Variants in PPARGC1A observed in about 807,000 individuals in gnomAD.
PPARGC1A encodes the protein peroxisome proliferator-activated receptor gamma coactivator 1-alpha.
Under a neutral mutation model 88.7 loss-of-function variants are expected in PPARGC1A, and 25 were observed. That is an observed-to-expected ratio of 0.28 (90% CI 0.21 to 0.39). PPARGC1A has a LOEUF of 0.39. PPARGC1A is among the 10% of genes least tolerant of loss of function. The probability of loss-of-function intolerance (pLI) is 1.00; values close to 1 mark genes in which losing one functional copy is unlikely to be tolerated. For synonymous variants in PPARGC1A, 363 were observed against 355.6 expected (o/e 1.02, Z -0.24); for missense variants, 880 against 968.7 (o/e 0.91, Z 1.22).
At chr4:24,051,906 G>C in the PPARGC1A span, among the ~76,000 whole-genome samples, 1 of 148,314 alleles carries the variant, frequency 6.7e-6, no homozygotes, top group Admixed American at 6.8e-5. Flanking sequence ...GTGTCAACTT[G>C]GGACAGTTAT....
the PPARGC1A span, among the ~76,000 whole-genome samples, chr4:24,104,231 G>C: frequency 6.6e-6 from 1 of 152,188 alleles, no homozygotes; most frequent in Non-Finnish European, 1.5e-5. Flanking sequence ...TGGAGGCCAG[G>C]CCCGGGTGGC....
At chr4:24,068,579 C>G in the PPARGC1A span, among the ~76,000 whole-genome samples, 1 of 152,132 alleles carries the variant, frequency 6.6e-6, no homozygotes, top group African/African-American at 2.4e-5. Context: ...CAGCCCACAC[C>G]ACATTCAGGG....
the PPARGC1A span, among the ~76,000 whole-genome samples, chr4:23,985,383 T>C: frequency 6.6e-6 from 1 of 152,010 alleles, no homozygotes; most frequent in African/African-American, 2.4e-5. Context: ...GGCTGGCTCC[T>C]GCGGACCAGC....
At chr4:23,900,437 C>T (rs1719199076), upstream of PPARGC1A, among the ~76,000 whole-genome samples, 1 of 152,136 alleles carries the variant, frequency 6.6e-6, no homozygotes. Context: ...TCAAGCACTT[C>T]ATCTACAAAA....
chr4:23,842,832 G>T (rs1331032692), intron 2 of PPARGC1A, among the ~76,000 whole-genome samples: 3 of 152,034 alleles, frequency 2.0e-5, no homozygotes, highest in Non-Finnish European at 4.4e-5. Flanking sequence ...TTGCTGTTTT[G>T]TGGCTGTTGA....
At chr4:24,103,399 A>G in the PPARGC1A span, among the ~76,000 whole-genome samples, 8,968 of 151,142 alleles carry the variant, frequency 0.059, 403 homozygotes, top group African/African-American at 0.13. Flanking sequence ...GATCCACCCA[A>G]AACGAATGGA....
chr4:24,110,247 AT>A, the PPARGC1A span, among the ~76,000 whole-genome samples: 1 of 152,186 alleles, frequency 6.6e-6, no homozygotes, highest in Admixed American at 6.5e-5. Flanking sequence ...GTGTATGGAG[AT>A]AACCCAAATG....
the PPARGC1A span, among the ~76,000 whole-genome samples, chr4:24,387,637 T>C: frequency 1.3e-5 from 2 of 151,780 alleles, no homozygotes; most frequent in Admixed American, 6.6e-5. Flanking sequence ...CACAGGAGGC[T>C]GAGGCAGGAG....
chr4:24,042,906 T>TA, the PPARGC1A span, among the ~76,000 whole-genome samples: 8 of 152,162 alleles, frequency 5.3e-5, no homozygotes, highest in South Asian at 2.1e-4. Flanking sequence ...CATCTCTCTT[T>TA]ATTATCTGAC....
At chr4:23,951,038 G>C in the PPARGC1A span, among the ~76,000 whole-genome samples, 14 of 152,186 alleles carry the variant, frequency 9.2e-5, no homozygotes, top group African/African-American at 3.4e-4. Context: ...CAATTGTTCA[G>C]TTCAACAAAT....
chr4:23,812,702 G>T, intron 10 of PPARGC1A, 45 bp downstream of exon 10: 1 of 1,608,584 alleles, frequency 6.2e-7, no homozygotes, highest in Non-Finnish European at 8.5e-7. Flanking sequence ...CACAGAAAAA[G>T]AAGAAACCCT....
chr4:24,242,461 G>T, the PPARGC1A span, among the ~76,000 whole-genome samples: 1 of 152,136 alleles, frequency 6.6e-6, no homozygotes, highest in East Asian at 1.9e-4. Flanking sequence ...TCACTTGCTG[G>T]CTTGGAAGAT....
At chr4:24,387,766 G>GAGAGAGAGAGAGAGAGAGAA in the PPARGC1A span, among the ~76,000 whole-genome samples, 1 of 52,082 alleles carries the variant, frequency 1.9e-5, no homozygotes, top group Non-Finnish European at 3.4e-5. Flanking sequence ...GAGAGAGAGA[G>GAGAGAGAGAGAGAGAGAGAA]AGAAAGAAAG....
chr4:23,924,159 A>G, the PPARGC1A span, among the ~76,000 whole-genome samples: 1 of 152,232 alleles, frequency 6.6e-6, no homozygotes, highest in African/African-American at 2.4e-5. Flanking sequence ...AATTCATTGC[A>G]TGTTGCTGAA....
At chr4:24,229,700 C>T in the PPARGC1A span, among the ~76,000 whole-genome samples, 9 of 151,904 alleles carry the variant, frequency 5.9e-5, no homozygotes, top group African/African-American at 2.2e-4. Context: ...ACAAAATTAG[C>T]TGGGTATAGT....
At chr4:24,331,815 G>C in the PPARGC1A span, among the ~76,000 whole-genome samples, 1 of 151,376 alleles carries the variant, frequency 6.6e-6, no homozygotes, top group Non-Finnish European at 1.5e-5. Context: ...TGTGCAGAAC[G>C]TGCAGGTTTG....
chr4:24,336,712 A>G, the PPARGC1A span, among the ~76,000 whole-genome samples: 1 of 152,112 alleles, frequency 6.6e-6, no homozygotes, highest in East Asian at 1.9e-4. Context: ...ACTGAGTCAT[A>G]CTTCTTTTGG....
At chr4:24,245,848 CTTAA>C in the PPARGC1A span, among the ~76,000 whole-genome samples, 8 of 146,356 alleles carry the variant, frequency 5.5e-5, no homozygotes, top group South Asian at 2.3e-4. Context: ...ATAAATAGTG[CTTAA>C]TTAAATTGCT....
chr4:24,288,239 C>T, the PPARGC1A span, among the ~76,000 whole-genome samples: 1 of 152,198 alleles, frequency 6.6e-6, no homozygotes, highest in East Asian at 1.9e-4. Flanking sequence ...TCCTCAGTCT[C>T]CCAGGGGCAA....
Sources: allele counts gnomAD v4.1 joint callset (sites outside exome capture counted in the v4.1 genomes callset), GRCh38; gene constraint gnomAD v4.1.1; transcripts MANE v1.5; gene names NCBI Gene and HGNC (gene_info 2026-07-23, HGNC 2026-07-21).